The following DCAF6 variants were observed in gnomAD, a reference collection of about 807,000 sequenced individuals.
DCAF6 encodes the protein DDB1 and CUL4 associated factor 6.
A neutral mutation model predicts 125.1 loss-of-function variants in DCAF6; 54 were observed. The ratio of observed to expected loss-of-function variants is 0.43; its 90% CI spans 0.35 to 0.54. The LOEUF (loss-of-function observed/expected upper bound fraction) is 0.54, where lower values mean the gene tolerates loss of function less well. Among genes scored for constraint, DCAF6 ranks in the 20% least tolerant of loss-of-function variants. The probability of loss-of-function intolerance (pLI) is 0.01; values close to 1 mark genes in which losing one functional copy is unlikely to be tolerated. For synonymous variants in DCAF6, 371 were observed against 390.4 expected (o/e 0.95, Z 0.58); for missense variants, 934 against 1,161.7 (o/e 0.80, Z 2.85).
chr1:167,935,915 G>T, upstream of DCAF6: 1 of 1,179,812 alleles, frequency 8.5e-7, no homozygotes, highest in Non-Finnish European at 1.2e-6. Flanking sequence ...ACGAAGGGGA[G>T]CTAGTCACTT....
chr1:167,867,082 T>C, the DCAF6 span, among the ~76,000 whole-genome samples: 12 of 152,306 alleles, frequency 7.9e-5, no homozygotes, highest in African/African-American at 1.9e-4. Flanking sequence ...CACATAACCA[T>C]TGAAGTTTGC....
At chr1:167,903,557 C>T in the DCAF6 span, among the ~76,000 whole-genome samples, 2 of 152,124 alleles carry the variant, frequency 1.3e-5, no homozygotes, top group Non-Finnish European at 2.9e-5. Flanking sequence ...GAGCAAGACT[C>T]TGTCTCTAAA....
At chr1:167,959,194 T>C (rs1571669191) in intron 2 of DCAF6, among the ~76,000 whole-genome samples, 1 of 152,234 alleles carries the variant, frequency 6.6e-6, no homozygotes, top group East Asian at 1.9e-4. Flanking sequence ...GTTTCCTCTA[T>C]CTTTTCATAG....
chr1:167,996,725 C>T (rs1681760791), intron 7 of DCAF6, among the ~76,000 whole-genome samples: 1 of 152,158 alleles, frequency 6.6e-6, no homozygotes, highest in Non-Finnish European at 1.5e-5. Flanking sequence ...CTTTACTGTG[C>T]TCTAACCACA....
chr1:168,019,505 T>C (rs1384155495), intron 11 of DCAF6: 1 of 451,974 alleles, frequency 2.2e-6, no homozygotes, highest in African/African-American at 2.0e-5. Context: ...GCATTCAGCA[T>C]ATGGCTGATT....
At chr1:167,972,230 T>C (rs1452693854) in intron 3 of DCAF6, among the ~76,000 whole-genome samples, 1 of 152,264 alleles carries the variant, frequency 6.6e-6, no homozygotes, top group African/African-American at 2.4e-5. Context: ...TTATCTGCAG[T>C]ATCATACATA....
chr1:167,902,708 C>T, the DCAF6 span, among the ~76,000 whole-genome samples: 1 of 152,170 alleles, frequency 6.6e-6, no homozygotes, highest in South Asian at 2.1e-4. Context: ...AACTCAGAGT[C>T]TGATAAAACA....
At chr1:168,041,819 T>C (rs1043092733) in intron 13 of DCAF6, among the ~76,000 whole-genome samples, 2 of 151,616 alleles carry the variant, frequency 1.3e-5, no homozygotes, top group African/African-American at 4.9e-5. Context: ...TAAATATATA[T>C]ATACCACCTT....
intron 13 of DCAF6, among the ~76,000 whole-genome samples, chr1:168,039,436 A>C (rs1455309760): frequency 6.6e-6 from 1 of 151,248 alleles, no homozygotes; most frequent in Non-Finnish European, 1.5e-5. Context: ...TCATTAATCT[A>C]ATGAAACTTT....
chr1:167,936,091 G>A, upstream of DCAF6: 1 of 565,070 alleles, frequency 1.8e-6, no homozygotes, highest in Non-Finnish European at 3.2e-6. Flanking sequence ...CGGCAGGAGA[G>A]AGGGAGGAGC....
intron 2 of DCAF6, among the ~76,000 whole-genome samples, chr1:167,958,123 A>G (rs1675044225): frequency 6.6e-6 from 1 of 151,990 alleles, no homozygotes; most frequent in Admixed American, 6.6e-5. Context: ...AGTGTCCTTT[A>G]ATGTACAAAA....
the DCAF6 span, among the ~76,000 whole-genome samples, chr1:167,929,864 T>C: frequency 6.6e-6 from 1 of 152,200 alleles, no homozygotes; most frequent in Admixed American, 6.5e-5. Context: ...GGTCATAAAA[T>C]CACTACATTT....
At chr1:168,007,722 G>T (rs9651040) in intron 10 of DCAF6, among the ~76,000 whole-genome samples, 5,752 of 151,948 alleles carry the variant, frequency 0.038, 331 homozygotes, top group African/African-American at 0.13. Context: ...CGTGTTTCTT[G>T]TTCTATCTCC....
intron 2 of DCAF6, among the ~76,000 whole-genome samples, chr1:167,959,184 G>A (rs2102772812): frequency 6.6e-6 from 1 of 152,268 alleles, no homozygotes; most frequent in African/African-American, 2.4e-5. Context: ...ATACATTTAG[G>A]TTTCCTCTAT....
At chr1:167,920,165 A>AAAGT in the DCAF6 span, 1 of 901,468 alleles carries the variant, frequency 1.1e-6, no homozygotes, top group Non-Finnish European at 1.8e-6. Flanking sequence ...AATATTGAGT[A>AAAGT]AAGTAATTAC....
At chr1:168,000,818 T>G (rs1367377440) in intron 7 of DCAF6, among the ~76,000 whole-genome samples, 1 of 151,878 alleles carries the variant, frequency 6.6e-6, no homozygotes, top group African/African-American at 2.4e-5. Flanking sequence ...GGAAGTAGAT[T>G]AGTGGTTGCC....
At position 167,981,177 on chromosome 1, in the gene DCAF6, C is replaced by T. The variant is rs149312855; in HGVS notation, c.438+6162C>T. On this transcript the variant is annotated intron_variant, in intron 4 of 21. Transcript: ENST00000367840. Reference sequence around the variant, plus strand: ...CCGTCTCCGCCTCCAAAGTGCTGGGCTTACAGGCATGAGCCACCGCTCCCG... The same window carrying T: ...CCGTCTCCGCCTCCAAAGTGCTGGGTTTACAGGCATGAGCCACCGCTCCCG... Among the ~76,000 whole-genome samples, 314 of 152,028 alleles carry T rather than the reference C, an allele frequency of 2.1e-3. 3 individuals are homozygous for T. Among genetic ancestry groups the T allele is most frequent in the Non-Finnish European group, 3.8e-3 (255 of 67,926 alleles).
At chr1:167,932,427 G>A (rs947214086), upstream of DCAF6, among the ~76,000 whole-genome samples, 2 of 152,072 alleles carry the variant, frequency 1.3e-5, no homozygotes, top group African/African-American at 4.8e-5. Flanking sequence ...CACCCCTTGG[G>A]ATGACTTACC....
chr1:168,072,973 C>T (rs1693306508), intron 21 of DCAF6, among the ~76,000 whole-genome samples: 1 of 152,128 alleles, frequency 6.6e-6, no homozygotes, highest in Non-Finnish European at 1.5e-5. Flanking sequence ...AAACAGTATA[C>T]ATAGACATCC....
Sources: allele counts gnomAD v4.1 joint callset (sites outside exome capture counted in the v4.1 genomes callset), GRCh38; gene constraint gnomAD v4.1.1; transcripts MANE v1.5; gene names NCBI Gene and HGNC (gene_info 2026-07-23, HGNC 2026-07-21).